The following ABI3BP variants were observed in gnomAD, a reference collection of about 807,000 sequenced individuals.
The protein encoded by ABI3BP is ABI family member 3 binding protein.
ABI3BP carries 216 observed loss-of-function variants against 268.6 expected under a neutral mutation model. The observed-to-expected ratio is 0.80, with a 90% confidence interval of 0.72 to 0.90. The LOEUF is 0.90. Ranked by LOEUF, ABI3BP falls within the 40% of genes least tolerant of loss-of-function variation. ABI3BP has a pLI of 0.00. For missense variants in ABI3BP, 2,090 were observed against 2,182.4 expected (o/e 0.96, Z 0.84); for synonymous variants, 730 against 730.0 (o/e 1.00, Z 0.00).
In ABI3BP at chr3:100,813,715, G is replaced by A. The variant is rs945434370; in HGVS notation, c.3310C>T (p.Leu1104Phe). 6.5e-7 allele frequency: 1 copy of A among 1,535,352 alleles called. No individual in the cohort carries two copies. Among genetic ancestry groups the A allele is most frequent in the Non-Finnish European group, 8.7e-7 (1 of 1,146,406 alleles). The change falls in exon 45 of 68, where the codon CTT (leucine) becomes TTT (phenylalanine). Residue 1104 changes from leucine (L) to phenylalanine (F), a missense_variant. Coordinates refer to ENST00000471714, the MANE Select transcript of ABI3BP (RefSeq NM_001375547.2). ...TTFALTELQT[L>F]ILKPVTSPSL... ...GGTGATGTCACTGGTTTCAAAATAAGAGTTTGCAGTTCAGTCAGAGCTGAA... is the reference window on the plus strand; with the variant it reads ...GGTGATGTCACTGGTTTCAAAATAAAAGTTTGCAGTTCAGTCAGAGCTGAA...
chr3:100,868,067 AAC>A (rs1363064710), intron 9 of ABI3BP, among the ~76,000 whole-genome samples: 39 of 152,292 alleles, frequency 2.6e-4, no homozygotes, highest in African/African-American at 9.1e-4. Flanking sequence ...AATATTTTGA[AAC>A]AGTCTAGTGG....
intron 4 of ABI3BP, among the ~76,000 whole-genome samples, chr3:100,897,879 G>A (rs968961294): frequency 6.6e-6 from 1 of 152,106 alleles, no homozygotes; most frequent in Admixed American, 6.5e-5. Flanking sequence ...AAAATAAAAT[G>A]CCTTGATTGA....
intron 1 of ABI3BP, among the ~76,000 whole-genome samples, chr3:100,961,503 A>G (rs1054091103): frequency 6.6e-6 from 1 of 152,226 alleles, no homozygotes; most frequent in Non-Finnish European, 1.5e-5. Flanking sequence ...ATGGGATACC[A>G]GTGAGAACAT....
At chr3:100,925,263 G>C (rs144038594) in intron 2 of ABI3BP, among the ~76,000 whole-genome samples, 1 of 152,142 alleles carries the variant, frequency 6.6e-6, no homozygotes, top group Non-Finnish European at 1.5e-5. Context: ...CTGATATAAA[G>C]TAATTGAATT....
chr3:100,798,997 A>G (rs919833036), intron 51 of ABI3BP, among the ~76,000 whole-genome samples: 4 of 147,744 alleles, frequency 2.7e-5, no homozygotes, highest in Non-Finnish European at 4.5e-5. Context: ...CCTCCCTTCT[A>G]TCTCATTTGA....
intron 61 of ABI3BP, among the ~76,000 whole-genome samples, chr3:100,772,196 C>A (rs1426186985): frequency 6.6e-6 from 1 of 152,102 alleles, no homozygotes; most frequent in Non-Finnish European, 1.5e-5. Context: ...CATACAAAAT[C>A]TGTAAGAATT....
Position 100,868,681 on chromosome 3 carries a change from G to C in ABI3BP, c.911-1725C>G, listed in dbSNP as rs1476752701. 2.6e-5 allele frequency among the ~76,000 whole-genome samples: 4 copies of C among 152,320 alleles called. No individual in the cohort carries two copies. In the East Asian group the frequency reaches 5.8e-4, roughly 22 times the overall value. ...GAATTATTTAAAATGCCACCACTAA[G>C]TGTCATAAATGATAATTTGCAACAA... On this transcript the variant is annotated intron_variant, in intron 9 of 67. Coordinates refer to ENST00000471714, the MANE Select transcript of ABI3BP (RefSeq NM_001375547.2).
chr3:100,934,133 A>AC (rs1352202005), intron 1 of ABI3BP, among the ~76,000 whole-genome samples: 1 of 150,008 alleles, frequency 6.7e-6, no homozygotes. Context: ...CCCTCCCCTA[A>AC]CCCCCCACCC....
chr3:100,925,454 G>A (rs1179572059), intron 2 of ABI3BP, among the ~76,000 whole-genome samples: 1 of 151,460 alleles, frequency 6.6e-6, no homozygotes, highest in South Asian at 2.1e-4. Context: ...ACTCTGTTGT[G>A]CAGGCTGGAG....
At chr3:100,788,168 CT>C (rs2097105240) in intron 56 of ABI3BP, among the ~76,000 whole-genome samples, 1 of 152,106 alleles carries the variant, frequency 6.6e-6, no homozygotes, top group African/African-American at 2.4e-5. Flanking sequence ...AAACCAAAAT[CT>C]GAAATGTATT....
intron 1 of ABI3BP, among the ~76,000 whole-genome samples, chr3:100,963,274 A>G (rs1343103912): frequency 6.6e-6 from 1 of 152,198 alleles, no homozygotes; most frequent in African/African-American, 2.4e-5. Flanking sequence ...GTTATGATTC[A>G]CATTCTCAAT....
intron 9 of ABI3BP, among the ~76,000 whole-genome samples, chr3:100,871,740 C>T (rs1169487348): frequency 2.0e-5 from 3 of 152,176 alleles, no homozygotes; most frequent in African/African-American, 4.8e-5. Flanking sequence ...TGTAAATTGT[C>T]CAGTCTCGGG....
rs921073767 is a variant in ABI3BP, at chr3:100,915,232, C to A, written c.259+11070G>T. Among the ~76,000 whole-genome samples, 5 of 152,272 alleles carry A rather than the reference C, an allele frequency of 3.3e-5. No individual in the cohort carries two copies. In the East Asian group the frequency reaches 9.6e-4, roughly 29 times the overall value. On this transcript the variant is annotated intron_variant, in intron 2 of 67. Coordinates refer to ENST00000471714, the MANE Select transcript of ABI3BP (RefSeq NM_001375547.2). ...TTACTCTTATCCCCCAACCCACCCC[C>A]CAGGGTAGAAAAGTCAATCTCCCTT... is the stretch of plus-strand genomic sequence containing the variant.
At chr3:100,983,035 C>T (rs1176804198) in intron 1 of ABI3BP, among the ~76,000 whole-genome samples, 3 of 152,212 alleles carry the variant, frequency 2.0e-5, no homozygotes, top group South Asian at 2.1e-4. Context: ...CCCACACACA[C>T]GTGCACAGTG....
At chr3:100,928,710 C>T (rs923070944) in intron 1 of ABI3BP, among the ~76,000 whole-genome samples, 2 of 151,992 alleles carry the variant, frequency 1.3e-5, no homozygotes, top group African/African-American at 2.4e-5. Flanking sequence ...AGGGACCTTA[C>T]AAATCAGCTA....
intron 43 of ABI3BP, 64 bp downstream of exon 43, chr3:100,816,624 T>C (rs986840576): frequency 4.5e-6 from 6 of 1,320,294 alleles, no homozygotes; most frequent in Non-Finnish European, 5.3e-6. Flanking sequence ...TTTAGGACTT[T>C]ATTGGGACAG....
intron 2 of ABI3BP, among the ~76,000 whole-genome samples, chr3:100,919,204 A>G: frequency 6.6e-6 from 1 of 151,800 alleles, no homozygotes; most frequent in East Asian, 1.9e-4. Flanking sequence ...TATATTCCCT[A>G]TATAGTTCCT....
chr3:100,787,314 A>T (rs1190202077), intron 57 of ABI3BP, among the ~76,000 whole-genome samples: 1 of 152,204 alleles, frequency 6.6e-6, no homozygotes, highest in African/African-American at 2.4e-5. Context: ...CAGATTGCTA[A>T]CAGATGCAGT....
chr3:100,934,145 C>A (rs2576380), intron 1 of ABI3BP, among the ~76,000 whole-genome samples: 14 of 150,720 alleles, frequency 9.3e-5, no homozygotes, highest in Admixed American at 2.6e-4. Context: ...CCCCCACCCC[C>A]AAAAAGGCCC....
Sources: allele counts gnomAD v4.1 joint callset (sites outside exome capture counted in the v4.1 genomes callset), GRCh38; gene constraint gnomAD v4.1.1; transcripts MANE v1.5; gene names NCBI Gene and HGNC (gene_info 2026-07-23, HGNC 2026-07-21).